The following ZC3H12B variants were observed in gnomAD, a reference collection of about 807,000 sequenced individuals.
ZC3H12B encodes the protein probable ribonuclease ZC3H12B.
Under a neutral mutation model 43.9 loss-of-function variants are expected in ZC3H12B, and 7 were observed. The observed-to-expected ratio is 0.16, with a 90% CI of 0.09 to 0.30. ZC3H12B has a LOEUF of 0.30. Ranked by LOEUF, ZC3H12B falls within the 10% of genes least tolerant of loss-of-function variation. The pLI is 1.00. For missense variants in ZC3H12B, 475 were observed against 670.2 expected (o/e 0.71, Z 3.22); for synonymous variants, 222 against 241.7 (o/e 0.92, Z 0.76).
At chrX:65,081,181 C>G in the ZC3H12B span, among the ~76,000 whole-genome samples, 1 of 110,058 alleles carries the variant, frequency 9.1e-6, no homozygotes, top group South Asian at 3.9e-4. Context: ...CAGAGAAAGT[C>G]ACCTTCAGTA....
the ZC3H12B span, among the ~76,000 whole-genome samples, chrX:65,092,617 G>T: frequency 8.9e-6 from 1 of 111,833 alleles, no homozygotes; most frequent in Non-Finnish European, 1.9e-5. Context: ...GTGGAAATTT[G>T]AGCTTGGGAA....
At chrX:65,485,316 C>T (rs1438244191), upstream of ZC3H12B, among the ~76,000 whole-genome samples, 1 of 112,386 alleles carries the variant, frequency 8.9e-6, no homozygotes, top group African/African-American at 3.2e-5. Flanking sequence ...TACAGTGGTG[C>T]CCTCTTGGCT....
upstream of ZC3H12B, among the ~76,000 whole-genome samples, chrX:65,364,848 A>G (rs1056305280): frequency 9.0e-6 from 1 of 111,329 alleles, no homozygotes; most frequent in Non-Finnish European, 1.9e-5. Context: ...CATCAAGCTC[A>G]GGGATTTGCC....
chrX:65,281,305 G>T, the ZC3H12B span, among the ~76,000 whole-genome samples: 10 of 107,236 alleles, frequency 9.3e-5, no homozygotes, highest in Non-Finnish European at 1.9e-4. Context: ...AGCGATTTCG[G>T]CTCACTGCAA....
At chrX:65,416,121 AC>A (rs1016493358) in intron 3 of ZC3H12B, among the ~76,000 whole-genome samples, 5 of 112,051 alleles carry the variant, frequency 4.5e-5, no homozygotes, top group African/African-American at 6.5e-5. Context: ...ACCCATGACC[AC>A]ACATTTCTAT....
the ZC3H12B span, among the ~76,000 whole-genome samples, chrX:65,288,773 A>G: frequency 3.6e-5 from 4 of 111,639 alleles, no homozygotes; most frequent in African/African-American, 1.3e-4. Context: ...AAAAGTAAAA[A>G]GTATCCAAAT....
At chrX:65,414,853 T>C (rs1306952828) in intron 3 of ZC3H12B, among the ~76,000 whole-genome samples, 1 of 112,342 alleles carries the variant, frequency 8.9e-6, no homozygotes, top group Non-Finnish European at 1.9e-5. Flanking sequence ...GTGTATATAC[T>C]TATGGCATAC....
At chrX:65,357,289 G>C in the ZC3H12B span, 5 of 293,643 alleles carry the variant, frequency 1.7e-5, no homozygotes, top group African/African-American at 1.1e-4. Context: ...ATCACTATAA[G>C]AGTGACATTT....
chrX:65,285,080 A>G, the ZC3H12B span, among the ~76,000 whole-genome samples: 458 of 110,175 alleles, frequency 4.2e-3, 3 homozygotes, highest in African/African-American at 0.014. Flanking sequence ...AAATAATAGA[A>G]GAAAACTTTC....
the ZC3H12B span, among the ~76,000 whole-genome samples, chrX:65,307,709 AATT>A: frequency 1.8e-5 from 2 of 111,996 alleles, no homozygotes; most frequent in Non-Finnish European, 3.8e-5. Flanking sequence ...TTTTTGAATA[AATT>A]ATTGTTCACA....
chrX:65,159,978 G>A, the ZC3H12B span, among the ~76,000 whole-genome samples: 44 of 112,027 alleles, frequency 3.9e-4, no homozygotes, highest in African/African-American at 1.3e-3. Flanking sequence ...ATGAAGGGCT[G>A]TTGAATTTTG....
the ZC3H12B span, among the ~76,000 whole-genome samples, chrX:65,075,689 C>T: frequency 1.8e-5 from 2 of 111,593 alleles, no homozygotes; most frequent in African/African-American, 6.5e-5. Context: ...GTGCTTTTTG[C>T]CTAAACTTTT....
chrX:65,367,044 T>C (rs1428362217), intron 1 of ZC3H12B, among the ~76,000 whole-genome samples: 1 of 112,099 alleles, frequency 8.9e-6, no homozygotes, highest in African/African-American at 3.2e-5. Flanking sequence ...TGAATAACAC[T>C]CACCCTGTCC....
At chrX:65,433,012 A>G (rs748764173) in intron 3 of ZC3H12B, among the ~76,000 whole-genome samples, 2 of 112,540 alleles carry the variant, frequency 1.8e-5, no homozygotes. Flanking sequence ...GAGTTGTATT[A>G]CTGGCTTTGC....
chrX:65,043,785 G>T, the ZC3H12B span, among the ~76,000 whole-genome samples: 28 of 111,645 alleles, frequency 2.5e-4, no homozygotes, highest in African/African-American at 8.1e-4. Context: ...CATAAGAAAA[G>T]AAAATATTTG....
the ZC3H12B span, among the ~76,000 whole-genome samples, chrX:65,299,768 C>T: frequency 1.8e-5 from 2 of 112,279 alleles, no homozygotes; most frequent in Non-Finnish European, 3.8e-5. Flanking sequence ...TGAGAGAATC[C>T]TCAGACCCTT....
the ZC3H12B span, among the ~76,000 whole-genome samples, chrX:65,210,040 A>G: frequency 5.6e-5 from 3 of 53,413 alleles, no homozygotes; most frequent in Admixed American, 2.1e-4. Context: ...ACCAAAAGCA[A>G]TGGCAACAAA....
chrX:65,149,816 AAATAAAAGT>A, the ZC3H12B span, among the ~76,000 whole-genome samples: 1 of 101,451 alleles, frequency 9.9e-6, no homozygotes, highest in Non-Finnish European at 2.0e-5. Context: ...TAATAATAAT[AAATAAAAGT>A]AAAGTATTAT....
the ZC3H12B span, among the ~76,000 whole-genome samples, chrX:65,157,860 G>C: frequency 4.8e-5 from 5 of 104,717 alleles, no homozygotes; most frequent in Non-Finnish European, 7.8e-5. Flanking sequence ...CCATGCTGGT[G>C]TGCTGCACCC....
Sources: allele counts gnomAD v4.1 joint callset (sites outside exome capture counted in the v4.1 genomes callset), GRCh38; gene constraint gnomAD v4.1.1; transcripts MANE v1.5; gene names NCBI Gene and HGNC (gene_info 2026-07-23, HGNC 2026-07-21).